The following CFAP70 variants were observed in gnomAD, a reference collection of about 807,000 sequenced individuals.
CFAP70 encodes the protein cilia and flagella associated protein 70.
In CFAP70, 81 loss-of-function variants were observed where a neutral mutation model predicts 137.6. The ratio of observed to expected loss-of-function variants is 0.59; its 90% CI spans 0.49 to 0.71. CFAP70 has a LOEUF of 0.71. Ranked by LOEUF, CFAP70 falls within the 30% of genes least tolerant of loss-of-function variation. The pLI, the probability that CFAP70 is intolerant of heterozygous loss-of-function variation, is 0.00. For synonymous variants in CFAP70, 382 were observed against 423.6 expected (o/e 0.90, Z 1.20); for missense variants, 976 against 1,226.7 (o/e 0.80, Z 3.05).
intron 19 of CFAP70, among the ~76,000 whole-genome samples, chr10:73,278,715 T>C (rs536783715): frequency 6.6e-6 from 1 of 151,968 alleles, no homozygotes; most frequent in African/African-American, 2.4e-5. Context: ...GCGCGGTGGC[T>C]CATGCCTGTA....
intron 8 of CFAP70, among the ~76,000 whole-genome samples, chr10:73,323,700 A>G (rs951482638): frequency 6.6e-6 from 1 of 152,210 alleles, no homozygotes. Flanking sequence ...GGAGGGTCCT[A>G]TGCCCATGGA....
At chr10:73,353,620 G>A (rs1240477291) in exon 3 of CFAP70, 1 of 1,614,168 alleles carries the variant, frequency 6.2e-7, no homozygotes. Context: ...ACTCAAAACT[G>A]CTAGTGAAGT....
At chr10:73,324,346 C>T (rs1434143607) in intron 8 of CFAP70, among the ~76,000 whole-genome samples, 4 of 152,154 alleles carry the variant, frequency 2.6e-5, no homozygotes, top group African/African-American at 7.2e-5. Context: ...ACATCACCAT[C>T]GTCAAAGACC....
chr10:73,291,742 C>T, exon 18 of CFAP70: 1 of 1,614,136 alleles, frequency 6.2e-7, no homozygotes, highest in African/African-American at 1.3e-5. Context: ...GCCAGGACAC[C>T]ACACAGCAAC....
chr10:73,337,237 T>C (rs1216272017), intron 6 of CFAP70, among the ~76,000 whole-genome samples: 3 of 152,156 alleles, frequency 2.0e-5, no homozygotes, highest in African/African-American at 7.2e-5. Flanking sequence ...TCCCAGCACT[T>C]TGGGAGGCAG....
intron 8 of CFAP70, among the ~76,000 whole-genome samples, chr10:73,326,174 T>C (rs971627842): frequency 6.6e-6 from 1 of 152,064 alleles, no homozygotes; most frequent in Non-Finnish European, 1.5e-5. Flanking sequence ...AACTCAGGAT[T>C]AAGAAACTCA....
chr10:73,263,380 G>A (rs2045464268), intron 25 of CFAP70, among the ~76,000 whole-genome samples: 1 of 152,198 alleles, frequency 6.6e-6, no homozygotes, highest in Non-Finnish European at 1.5e-5. Flanking sequence ...ACCACGCCCA[G>A]CCCAATAATG....
intron 10 of CFAP70, 37 bp downstream of exon 11, chr10:73,312,436 T>G: frequency 6.7e-7 from 1 of 1,489,416 alleles, no homozygotes; most frequent in African/African-American, 1.4e-5. Flanking sequence ...TGGAATGTAA[T>G]CTAAGAGGCA....
chr10:73,345,176 G>GC (rs1441271044), intron 4 of CFAP70: 1 of 1,614,080 alleles, frequency 6.2e-7, no homozygotes, highest in Non-Finnish European at 8.5e-7. Flanking sequence ...TCAGTAGATT[G>GC]CCCCCTGAGA....
At chr10:73,353,094 T>C (rs564039347) in intron 3 of CFAP70, among the ~76,000 whole-genome samples, 9 of 152,232 alleles carry the variant, frequency 5.9e-5, no homozygotes, top group Non-Finnish European at 1.2e-4. Flanking sequence ...TAAAAATATA[T>C]ATATTCTTTA....
intron 19 of CFAP70, among the ~76,000 whole-genome samples, chr10:73,281,459 T>C (rs1026033963): frequency 2.6e-5 from 4 of 151,972 alleles, no homozygotes; most frequent in African/African-American, 4.8e-5. Flanking sequence ...GTGAGTTATT[T>C]AGAAGTGTAT....
intron 19 of CFAP70, among the ~76,000 whole-genome samples, chr10:73,280,433 G>T (rs12570782): frequency 0.058 from 8,765 of 152,186 alleles, 533 homozygotes; most frequent in East Asian, 0.3. Flanking sequence ...GGTGATTACT[G>T]TTCTCAAATT....
In CFAP70 at chr10:73,312,765, A is replaced by T. The variant is rs1435140110; in HGVS notation, c.913-122T>A. The T allele has an allele frequency of 3.8e-5, 33 of 879,788 alleles. No individual in the cohort carries two copies. The Admixed American group carries it at 8.9e-4, about 24-fold the overall frequency. 54.5% of individuals were successfully genotyped at this position (879,788 alleles called of 1,614,324 possible). ...TTTCGACATTTAATATCAGAGAGAG[A>T]GAAGGGACTTGAAAGACTTCATTGT... On this transcript the variant is annotated intron_variant, in intron 9 of 26. Coordinates refer to ENST00000310715, the Ensembl canonical transcript of CFAP70.
At position 73,358,759 on chromosome 10, in the gene CFAP70, A is replaced by G. The variant is rs1180130550; in HGVS notation, c.-85T>C. ...TTTTTGACAACTATAGCAACCAACTACCTCTCGCGAGAACTTACTTTTGGC... is the reference window on the plus strand; with the variant it reads ...TTTTTGACAACTATAGCAACCAACTGCCTCTCGCGAGAACTTACTTTTGGC... On this transcript the variant is annotated 5_prime_UTR_variant, in exon 1 of 27. Coordinates refer to ENST00000310715, the Ensembl canonical transcript of CFAP70. The G allele has an allele frequency of 6.6e-6, 1 of 152,346 alleles. No homozygotes were observed. The highest frequency in any genetic ancestry group is 1.5e-5 in the Non-Finnish European group (1 of 68,060). The allele number at this position is 152,346 out of a possible 1,614,324, so 9.4% of individuals were successfully genotyped here. A position where few individuals can be genotyped will look rare whatever the true frequency, so the allele number is the denominator to read the frequency against.
intron 7 of CFAP70, among the ~76,000 whole-genome samples, chr10:73,333,892 G>T (rs559198481): frequency 1.3e-5 from 2 of 152,256 alleles, no homozygotes; most frequent in South Asian, 4.1e-4. Context: ...ATAACTATTT[G>T]TTCAAGGTAA....
At chr10:73,292,457 G>A (rs1158997514) in intron 16 of CFAP70, among the ~76,000 whole-genome samples, 1 of 152,046 alleles carries the variant, frequency 6.6e-6, no homozygotes, top group Non-Finnish European at 1.5e-5. Context: ...TAAATAAATG[G>A]AAAGACATTT....
intron 3 of CFAP70, among the ~76,000 whole-genome samples, chr10:73,353,129 T>C (rs1216164985): frequency 6.6e-6 from 1 of 152,234 alleles, no homozygotes; most frequent in Non-Finnish European, 1.5e-5. Flanking sequence ...CCTATGATTA[T>C]TCCTAGGGAA....
chr10:73,298,189 C>A (rs2048684261), intron 14 of CFAP70, among the ~76,000 whole-genome samples: 1 of 152,170 alleles, frequency 6.6e-6, no homozygotes, highest in African/African-American at 2.4e-5. Context: ...CCTTAGCCAA[C>A]TAATATTGCA....
At chr10:73,311,039 G>T (rs1459979379) in intron 11 of CFAP70, among the ~76,000 whole-genome samples, 1 of 152,100 alleles carries the variant, frequency 6.6e-6, no homozygotes, top group Non-Finnish European at 1.5e-5. Flanking sequence ...TTATTTCTAT[G>T]ACTTTGAAAC....
Sources: gnomAD v4.1 joint callset for allele counts (sites outside exome capture counted in the v4.1 genomes callset) on GRCh38, gnomAD v4.1.1 for gene constraint, MANE v1.5 for transcripts, NCBI Gene and HGNC (gene_info 2026-07-23, HGNC 2026-07-21) for gene names.